The following ZSCAN10 variants were observed in gnomAD, a reference collection of about 807,000 sequenced individuals.
The protein encoded by ZSCAN10 is zinc finger and SCAN domain containing 10, also known as zinc finger and SCAN domain-containing protein 10.
In ZSCAN10, 52 loss-of-function variants were observed where a neutral mutation model predicts 63.7. The observed-to-expected ratio is 0.82, with a 90% CI of 0.65 to 1.03. The LOEUF (loss-of-function observed/expected upper bound fraction) is 1.03. Among genes scored for constraint, ZSCAN10 ranks in the 50% least tolerant of loss-of-function variants. The pLI, the probability that ZSCAN10 is intolerant of heterozygous loss-of-function variation, is 0.00. For synonymous variants in ZSCAN10, 544 were observed against 479.6 expected, an observed-to-expected ratio of 1.13 and a Z score of -1.76; for missense variants, 1,223 against 1,103.8, an observed-to-expected ratio of 1.11 and a Z score of -1.53.
chr16:3,093,783 C>T (rs778620680), intron 1 of ZSCAN10, among the ~76,000 whole-genome samples: 3 of 148,302 alleles, frequency 2.0e-5, no homozygotes, highest in Non-Finnish European at 4.4e-5. Context: ...CAGGTTCAAG[C>T]GATTCTCATT....
Position 3,092,828 on chromosome 16 carries a change from C to T in ZSCAN10, c.110G>A (p.Arg37Lys), listed in dbSNP as rs755185989. ...SPEDPRRPES[R>K]LRPEVAHQLF... is the part of the protein sequence containing the mutation. ...CTGGTGAGCCACCTCGGGCCTCAGC[C>T]TGGACTCTGGTCGCCTGGGGTCCTC... is the stretch of plus-strand genomic sequence containing the variant. Residue 37 changes from arginine to lysine, a missense_variant, in exon 2 of 6, where the codon AGG (arginine) becomes AAG (lysine). Coordinates refer to ENST00000576985, the MANE Select transcript of ZSCAN10 (RefSeq NM_032805.3). 1 of 1,501,096 alleles carries T rather than the reference C, an allele frequency of 6.7e-7. No individual in the cohort carries two copies. Among genetic ancestry groups the T allele is most frequent in the Non-Finnish European group, 8.9e-7 (1 of 1,120,620 alleles). The allele number at this position is 1,501,096 out of a possible 1,614,324, so 93.0% of individuals were successfully genotyped here.
intron 1 of ZSCAN10, 86 bp from the exon 2 acceptor site, chr16:3,093,090 A>C: frequency 9.8e-7 from 1 of 1,025,224 alleles, no homozygotes; most frequent in Non-Finnish European, 1.3e-6. Context: ...GACACCCAAT[A>C]CGCAGACCCA....
At position 3,091,607 on chromosome 16, in the gene ZSCAN10, G is replaced by C. The variant is rs1488838619; in HGVS notation, c.730-10C>G. On this transcript the variant is annotated splice_polypyrimidine_tract_variant and intron_variant, in intron 4 of 5. Transcript: ENST00000576985. The stretch of plus-strand genomic sequence containing the variant: ...CAAAGGTCAGGCACTCCTGTATCAA[G>C]AGCAGAAACCCTTGGTGAGTGAGGA... 3 of 1,614,226 alleles carry C rather than the reference G, an allele frequency of 1.9e-6. No individual in the cohort carries two copies. Among genetic ancestry groups the C allele is most frequent in the South Asian group, 1.1e-5 (1 of 91,076 alleles).
At chr16:3,091,933 C>A (rs915140870) in intron 3 of ZSCAN10, 105 bp from the exon 4 acceptor site, 3 of 1,593,978 alleles carry the variant, frequency 1.9e-6, no homozygotes, top group African/African-American at 1.3e-5. Flanking sequence ...TGTGAAGACA[C>A]CTTGGCGCTC....
intron 5 of ZSCAN10, among the ~76,000 whole-genome samples, chr16:3,091,085 AC>A (rs1957068171): frequency 6.6e-6 from 1 of 151,810 alleles, no homozygotes; most frequent in South Asian, 2.1e-4. Context: ...AAACAAACAA[AC>A]AAAAAAACCT....
rs747647100 is a variant in ZSCAN10, at chr16:3,092,125, C to T, written c.588G>A (p.Gln196=). The part of the protein sequence containing the change: ...PRAAQPAEPG[Q]WRLPPSSKQP... The stretch of plus-strand genomic sequence containing the variant: ...GCTTTGAACTTGGGGGAAGCCTCCA[C>T]TGTCCCGGCTCAGCAGGCTGGGCAG... The change falls in exon 3 of 6, where the codon CAG becomes CAA. Residue 196 remains glutamine (Q), a synonymous_variant. Coordinates refer to ENST00000576985, the MANE Select transcript of ZSCAN10 (RefSeq NM_032805.3). The T allele has an allele frequency of 1.2e-6, 2 of 1,611,554 alleles. No individual in the cohort carries two copies. The highest frequency in any genetic ancestry group is 1.7e-5 in the Admixed American group (1 of 59,708).
In ZSCAN10 at chr16:3,090,047, C is replaced by G. The variant is rs780118358; in HGVS notation, c.1387G>C (p.Ala463Pro). 1 of 1,600,920 alleles carries G rather than the reference C, an allele frequency of 6.2e-7. No individual in the cohort carries two copies. ...GGCGCTTCGGCCTTACTCTCAGGAG[C>G]GCAGGGCGGCTTCTGGTCCTGGGCG... Reference protein sequence around the residue: ...AHAQDQKPPCAPESKAEAPPL... With the variant: ...AHAQDQKPPCPPESKAEAPPL... The change falls in exon 6 of 6, where the codon GCT becomes CCT. Residue 463 changes from alanine to proline, a missense_variant. Coordinates refer to ENST00000576985, the MANE Select transcript of ZSCAN10 (RefSeq NM_032805.3).
Position 3,090,470 on chromosome 16 carries a change from A to T in ZSCAN10, c.964T>A (p.Ser322Thr). ...AAASGPGEDG[S>T]LLGSSEILEV... ...AAAATTTCACTGCTGCCAAGAAGGG[A>T]CCCATCTTCACCAGGGCCGCTAGCC... The change falls in exon 6 of 6, where the codon TCC becomes ACC. Residue 322 changes from serine to threonine, a missense_variant. Transcript: ENST00000576985. 1 of 1,613,138 alleles carries T rather than the reference A, an allele frequency of 6.2e-7. No homozygotes were observed. Among genetic ancestry groups the T allele is most frequent in the Non-Finnish European group, 8.5e-7 (1 of 1,179,752 alleles).
chr16:3,097,694 G>T (rs1269579010), intron 1 of ZSCAN10, among the ~76,000 whole-genome samples: 1 of 152,210 alleles, frequency 6.6e-6, no homozygotes, highest in East Asian at 1.9e-4. Flanking sequence ...CTCAATCACA[G>T]ATGAGCGTAT....
chr16:3,092,513 C>G (rs767948309), intron 2 of ZSCAN10, 29 bp downstream of exon 2: 20 of 1,472,512 alleles, frequency 1.4e-5, no homozygotes, highest in Non-Finnish European at 1.8e-5. Flanking sequence ...CATCCGCATG[C>G]TGCTCAGCCC....
Position 3,090,312 on chromosome 16 carries a change from G to C in ZSCAN10, c.1122C>G (p.Arg374=). ...AHQLRSHPAG[R]SFLCLCCGKS... is the part of the protein sequence containing the mutation. The stretch of plus-strand genomic sequence containing the variant: ...TCCCGCAGCAAAGGCACAGGAAGGA[G>C]CGCCCAGCCGGGTGCGAGCGCAGCT... The change falls in exon 6 of 6, where the codon CGC becomes CGG. Residue 374 remains arginine (R), a synonymous_variant. Transcript: ENST00000576985. 1 of 1,609,036 alleles carries C rather than the reference G, an allele frequency of 6.2e-7. No homozygotes were observed. The highest frequency in any genetic ancestry group is 1.1e-5 in the South Asian group (1 of 90,750).
rs1957075498 is a variant in ZSCAN10, at chr16:3,091,551, G to A, written c.776C>T (p.Ala259Val). 6.2e-7 allele frequency: 1 copy of A among 1,614,190 alleles called. No individual in the cohort carries two copies. Among genetic ancestry groups the A allele is most frequent in the Non-Finnish European group, 8.5e-7 (1 of 1,180,024 alleles). Residue 259 changes from alanine (A) to valine (V), a missense_variant, in exon 5 of 6, where the codon GCA becomes GTA. Coordinates refer to ENST00000576985, the MANE Select transcript of ZSCAN10 (RefSeq NM_032805.3). ...EDVPENKAWP[A>V]HPLGFGSRTP... ...GAAGGGTTGCTTACCCAGGGGGTGT[G>A]CAGGCCACGCCTTATTCTCTGGCAC...
At chr16:3,091,658 T>C (rs1284910140) in intron 4 of ZSCAN10, 61 bp from the exon 5 acceptor site, 1 of 1,611,788 alleles carries the variant, frequency 6.2e-7, no homozygotes, top group Non-Finnish European at 8.5e-7. Context: ...CTGTGGGGAC[T>C]GAAATGCTTC....
intron 5 of ZSCAN10, 104 bp from the exon 6 acceptor site, chr16:3,090,750 C>T (rs1957062832): frequency 1.5e-6 from 2 of 1,360,006 alleles, no homozygotes; most frequent in Admixed American, 3.0e-5. Context: ...CAGGATCCTG[C>T]AAAGCTGGTA....
At chr16:3,091,148 C>A (rs569755481) in intron 5 of ZSCAN10, among the ~76,000 whole-genome samples, 1 of 150,972 alleles carries the variant, frequency 6.6e-6, no homozygotes, top group Admixed American at 6.6e-5. Context: ...TTTTATTTGA[C>A]CTCTCTACAA....
intron 1 of ZSCAN10, among the ~76,000 whole-genome samples, chr16:3,098,982 G>C (rs964015255): frequency 6.6e-6 from 1 of 152,164 alleles, no homozygotes; most frequent in Non-Finnish European, 1.5e-5. Flanking sequence ...GAAGTTCTGC[G>C]ATCTCCCTCG....
At position 3,090,003 on chromosome 16, in the gene ZSCAN10, C is replaced by G; in HGVS notation, c.1431G>C (p.Leu477=). 6.4e-7 allele frequency: 1 copy of G among 1,564,906 alleles called. No individual in the cohort carries two copies. Among genetic ancestry groups the G allele is most frequent in the Non-Finnish European group, 8.6e-7 (1 of 1,158,358 alleles). Residue 477 remains leucine (L), a synonymous_variant, in exon 6 of 6, where the codon CTG becomes CTC. Transcript: ENST00000576985. ...GGAAGCTCTGGCCGCAGTGGGAGCA[C>G]AGGACATCGGTCAGTGGCGGCGCTT... ...KAEAPPLTDV[L]CSHCGQSFQR...
chr16:3,091,758 G>A lies in ZSCAN10; in HGVS notation c.729+6C>T. The stretch of plus-strand genomic sequence containing the variant: ...TGAGGACACCCTGGGGTGCGGCCCA[G>A]CTCACCAGCACAGCCGCCAGCTCCT... On this transcript the variant is annotated splice_donor_region_variant and intron_variant, in intron 4 of 5. Transcript: ENST00000576985. The A allele has an allele frequency of 6.4e-7, 1 of 1,573,922 alleles. No individual in the cohort carries two copies. The highest frequency in any genetic ancestry group is 8.6e-7 in the Non-Finnish European group (1 of 1,159,506).
Position 3,089,690 on chromosome 16 carries a change from GC to G in ZSCAN10, c.1743del (p.Gln582SerfsTer17). 6.2e-7 allele frequency: 1 copy of G among 1,604,112 alleles called. No homozygotes were observed. ...VHTGEKPYAC[P>X]QCGKRFVRRA... ...CGGCGCACAAAGCGCTTCCCGCACT[GC>G]GGACAGGCGTAGGGCTTCTCGCCCG... On this transcript the variant is annotated frameshift_variant, in exon 6 of 6. Coordinates refer to ENST00000576985, the MANE Select transcript of ZSCAN10 (RefSeq NM_032805.3). LOFTEE classifies it high-confidence loss of function.
Sources: allele counts gnomAD v4.1 joint callset (sites outside exome capture counted in the v4.1 genomes callset), GRCh38; gene constraint gnomAD v4.1.1; transcripts MANE v1.5; gene names NCBI Gene and HGNC (gene_info 2026-07-23, HGNC 2026-07-21).